Variants in SLC28A1 observed in about 807,000 individuals in gnomAD.
SLC28A1 encodes the protein sodium/nucleoside cotransporter 1.
Under a neutral mutation model 74.8 loss-of-function variants are expected in SLC28A1, and 64 were observed. That is an observed-to-expected ratio of 0.86 (90% CI 0.70 to 1.05). SLC28A1 has a LOEUF of 1.05. SLC28A1 is among the 50% of genes least tolerant of loss of function. SLC28A1 has a pLI of 0.00. For synonymous variants in SLC28A1, 359 were observed against 335.0 expected, an observed-to-expected ratio of 1.07 and a Z score of -0.78; for missense variants, 828 against 822.8, an observed-to-expected ratio of 1.01 and a Z score of -0.08.
chr15:84,951,929 A>G, the SLC28A1 span, among the ~76,000 whole-genome samples: 1 of 152,200 alleles, frequency 6.6e-6, no homozygotes, highest in Admixed American at 6.5e-5. Context: ...AACACCAGAG[A>G]CAGAAGGCAA....
chr15:84,917,041 T>TAAAAA (rs869206511), intron 9 of SLC28A1, among the ~76,000 whole-genome samples: 2 of 40,960 alleles, frequency 4.9e-5, no homozygotes, highest in African/African-American at 1.2e-4. Flanking sequence ...AAAAAAAAAA[T>TAAAAA]AAATAAAAAA....
intron 12 of SLC28A1, among the ~76,000 whole-genome samples, chr15:84,925,777 T>C (rs528935471): frequency 2.2e-4 from 33 of 149,556 alleles, no homozygotes; most frequent in South Asian, 1.1e-3. Flanking sequence ...TTCTCTCTCT[T>C]TTTTTTTTAA....
chr15:84,944,525 A>G, intron 16 of SLC28A1, 41 bp from the exon 17 acceptor site: 1 of 1,424,122 alleles, frequency 7.0e-7, no homozygotes, highest in Middle Eastern at 2.2e-4. Flanking sequence ...GCAGAGAGGG[A>G]CACAGCTTCC....
At chr15:84,915,453 A>G (rs969864214) in intron 9 of SLC28A1, among the ~76,000 whole-genome samples, 1 of 152,220 alleles carries the variant, frequency 6.6e-6, no homozygotes, top group Non-Finnish European at 1.5e-5. Context: ...TCCTTAAAAA[A>G]TAAAAGCAGC....
At chr15:84,926,474 A>T in intron 12 of SLC28A1, 1 of 439,494 alleles carries the variant, frequency 2.3e-6, no homozygotes, top group Non-Finnish European at 4.5e-6. Flanking sequence ...AAATATTAGG[A>T]TTACAGGCAT....
chr15:84,966,469 G>A, the SLC28A1 span, among the ~76,000 whole-genome samples: 1 of 152,208 alleles, frequency 6.6e-6, no homozygotes, highest in South Asian at 2.1e-4. Flanking sequence ...CTGGGCTCAA[G>A]CAGTCCTCCT....
At chr15:84,903,147 A>T (rs1047297344) in intron 6 of SLC28A1, among the ~76,000 whole-genome samples, 6 of 152,254 alleles carry the variant, frequency 3.9e-5, no homozygotes, top group Non-Finnish European at 8.8e-5. Flanking sequence ...AGAAGAGTTT[A>T]AAAATATGAG....
At chr15:84,889,677 T>TTTCCTTCC (rs1309924533) in intron 4 of SLC28A1, among the ~76,000 whole-genome samples, 3 of 109,828 alleles carry the variant, frequency 2.7e-5, no homozygotes, top group African/African-American at 1.1e-4. Context: ...TCCTTCCTTC[T>TTTCCTTCC]TTCCTTCCTT....
the SLC28A1 span, among the ~76,000 whole-genome samples, chr15:84,963,952 G>C: frequency 6.6e-6 from 1 of 152,132 alleles, no homozygotes; most frequent in Non-Finnish European, 1.5e-5. Context: ...TCCACAGGCT[G>C]CTCCAGACGC....
At chr15:84,931,885 C>T (rs1020644778) in intron 12 of SLC28A1, among the ~76,000 whole-genome samples, 4 of 151,814 alleles carry the variant, frequency 2.6e-5, no homozygotes, top group Non-Finnish European at 4.4e-5. Flanking sequence ...ACCTGTAACC[C>T]CAGCTACTCT....
the SLC28A1 span, among the ~76,000 whole-genome samples, chr15:84,969,278 G>A: frequency 2.6e-5 from 4 of 152,152 alleles, no homozygotes; most frequent in African/African-American, 4.8e-5. Flanking sequence ...GGAGAGCACC[G>A]AATTTATACA....
At chr15:84,909,186 A>G (rs901317669) in intron 9 of SLC28A1, among the ~76,000 whole-genome samples, 3 of 152,094 alleles carry the variant, frequency 2.0e-5, no homozygotes, top group African/African-American at 7.2e-5. Flanking sequence ...AGCAGTTTCC[A>G]GGAAGGCTTA....
chr15:84,958,858 G>A, the SLC28A1 span, among the ~76,000 whole-genome samples: 3 of 151,952 alleles, frequency 2.0e-5, no homozygotes, highest in African/African-American at 7.2e-5. Flanking sequence ...CCAGCACTTT[G>A]AGAGGCTAAG....
chr15:84,913,184 TAC>T (rs1968594719), intron 9 of SLC28A1, among the ~76,000 whole-genome samples: 2 of 152,312 alleles, frequency 1.3e-5, no homozygotes, highest in African/African-American at 4.8e-5. Flanking sequence ...GTGGTACTGG[TAC>T]AGTGTGCACC....
Position 84,887,769 on chromosome 15 carries a change from C to G in SLC28A1, c.9C>G (p.Asn3Lys), listed in dbSNP as rs8187737. The stretch of plus-strand genomic sequence containing the variant: ...GCTGGAAGGTCTGGGACATGGAGAA[C>G]GACCCCTCGAGACGAAGAGAGTCCA... MENDPSRRRESIS... is the reference protein window; with the variant it reads MEKDPSRRRESIS... Residue 3 changes from asparagine (N) to lysine (K), a missense_variant, in exon 3 of 19, where the codon AAC (asparagine) becomes AAG (lysine). Asn to Lys is a moderately conservative substitution (Grantham distance 94). Coordinates refer to ENST00000394573, the MANE Select transcript of SLC28A1 (RefSeq NM_004213.5). 6 of 1,613,688 alleles carry G rather than the reference C, an allele frequency of 3.7e-6. No individual in the cohort carries two copies. The East Asian group carries it at 1.3e-4, about 36-fold the overall frequency.
chr15:84,886,714 G>T lies in SLC28A1; in HGVS notation c.-90G>T. 1.0e-6 allele frequency: 1 copy of T among 985,530 alleles called. No homozygotes were observed. Among genetic ancestry groups the T allele is most frequent in the South Asian group, 4.7e-5 (1 of 21,290 alleles). 61.0% of individuals were successfully genotyped at this position (985,530 alleles called of 1,614,324 possible). A position where few individuals can be genotyped will look rare whatever the true frequency, so the allele number is the denominator to read the frequency against. Reference sequence around the variant, plus strand: ...ACAAGGCAAGCCAGAGCCAAAGCAGGTTGGACCCAGCTTGTCCCCACAGAG... The same window carrying T: ...ACAAGGCAAGCCAGAGCCAAAGCAGTTTGGACCCAGCTTGTCCCCACAGAG... On this transcript the variant is annotated 5_prime_UTR_variant, in exon 2 of 19. Transcript: ENST00000394573.
At chr15:84,906,637 TCTTC>T (rs1298408884) in intron 8 of SLC28A1, among the ~76,000 whole-genome samples, 4 of 147,814 alleles carry the variant, frequency 2.7e-5, no homozygotes, top group African/African-American at 7.5e-5. Context: ...CTCCTTCCTT[TCTTC>T]CTTCCTTCCT....
the SLC28A1 span, among the ~76,000 whole-genome samples, chr15:84,959,099 C>CAAAAA: frequency 6.4e-5 from 3 of 47,092 alleles, no homozygotes; most frequent in African/African-American, 8.7e-5. Context: ...GGCTTCATCT[C>CAAAAA]AAAAAAAAAA....
chr15:84,963,537 G>T, the SLC28A1 span, among the ~76,000 whole-genome samples: 2 of 152,160 alleles, frequency 1.3e-5, no homozygotes, highest in Non-Finnish European at 2.9e-5. Flanking sequence ...TTCACAAAGT[G>T]GCCCATCACA....
Sources: allele counts gnomAD v4.1 joint callset (sites outside exome capture counted in the v4.1 genomes callset), GRCh38; gene constraint gnomAD v4.1.1; transcripts MANE v1.5; gene names NCBI Gene and HGNC (gene_info 2026-07-23, HGNC 2026-07-21).